The following SEMA6D variants were observed in gnomAD, a reference collection of about 807,000 sequenced individuals.
SEMA6D encodes semaphorin-6D.
A neutral mutation model predicts 106.6 loss-of-function variants in SEMA6D; 35 were observed. The observed-to-expected ratio is 0.33, with a 90% CI of 0.25 to 0.44. The LOEUF is 0.44. SEMA6D is among the 20% of genes least tolerant of loss of function. The pLI, the probability that SEMA6D is intolerant of heterozygous loss-of-function variation, is 1.00. For missense variants in SEMA6D, 1,185 were observed against 1,345.9 expected (o/e 0.88, Z 1.87); for synonymous variants, 499 against 487.7 (o/e 1.02, Z -0.31).
At chr15:47,254,335 A>G (rs367883962) in intron 1 of SEMA6D, among the ~76,000 whole-genome samples, 107 of 135,384 alleles carry the variant, frequency 7.9e-4, no homozygotes, top group Middle Eastern at 3.8e-3. Flanking sequence ...GTGTGTGTAT[A>G]TATATATATA....
rs1380596406 is a variant in SEMA6D at position 47,432,431 on chromosome 15, CCTT to C, written c.-159+19962_-159+19964del. Among the ~76,000 whole-genome samples the C allele has an allele frequency of 1.3e-4, 20 of 152,100 alleles. No homozygotes were observed. The East Asian group carries it at 3.5e-3, about 27-fold the overall frequency. On this transcript the variant is annotated intron_variant, in intron 2 of 19. Coordinates refer to the SEMA6D transcript ENST00000558014. ...CTAATTGTTCTCTGATTCTTTCTCT[CCTT>C]CTCTTCACCCTGTTTCTCTTTTTCT...
chr15:47,376,999 ATAAT>A (rs2145531593), intron 1 of SEMA6D, among the ~76,000 whole-genome samples: 1 of 152,326 alleles, frequency 6.6e-6, no homozygotes, highest in African/African-American at 2.4e-5. Context: ...ATATTCACCT[ATAAT>A]TACTTGCCAG....
Position 47,743,909 on chromosome 15 carries a change from C to A in SEMA6D, c.-54-15836C>A, listed in dbSNP as rs568722423. Among the ~76,000 whole-genome samples, 571 of 152,226 alleles carry A rather than the reference C, an allele frequency of 3.8e-3. 2 individuals carry two copies. The highest frequency in any genetic ancestry group is 6.5e-3 in the Non-Finnish European group (441 of 68,002). On this transcript the variant is annotated intron_variant, in intron 1 of 18. Coordinates refer to ENST00000536845, the MANE Select transcript of SEMA6D (RefSeq NM_001358351.3). ...GTTTTGATTTTTGTCAATGCAAATC[C>A]ATTTTGAGCCTCTCTGAGATTAGCC...
At chr15:47,193,061 C>T (rs1434430460) in intron 1 of SEMA6D, among the ~76,000 whole-genome samples, 1 of 152,160 alleles carries the variant, frequency 6.6e-6, no homozygotes, top group African/African-American at 2.4e-5. Flanking sequence ...AGTTTCCTCT[C>T]ACGCTTGCCC....
At chr15:47,269,589 ATAAAT>A (rs2034468509) in intron 1 of SEMA6D, among the ~76,000 whole-genome samples, 1 of 152,046 alleles carries the variant, frequency 6.6e-6, no homozygotes, top group Admixed American at 6.6e-5. Context: ...TTGATATTTT[ATAAAT>A]TAAATTGTTT....
At chr15:47,652,685 A>AT (rs1566962203) in intron 4 of SEMA6D, among the ~76,000 whole-genome samples, 1 of 152,102 alleles carries the variant, frequency 6.6e-6, no homozygotes, top group Non-Finnish European at 1.5e-5. Context: ...CAGATTTTAC[A>AT]TGTGGCTTGT....
chr15:47,296,871 C>T (rs948950390), intron 1 of SEMA6D, among the ~76,000 whole-genome samples: 8 of 152,126 alleles, frequency 5.3e-5, no homozygotes, highest in African/African-American at 1.9e-4. Context: ...TTGGTAGGCA[C>T]GTGGCTGGGT....
chr15:47,462,270 G>A (rs955300287), intron 2 of SEMA6D, among the ~76,000 whole-genome samples: 5 of 152,022 alleles, frequency 3.3e-5, no homozygotes, highest in African/African-American at 9.7e-5. Context: ...ATTATGACTC[G>A]TTTCACCAAC....
intron 3 of SEMA6D, among the ~76,000 whole-genome samples, chr15:47,485,698 T>C (rs576554659): frequency 6.8e-4 from 103 of 152,170 alleles, no homozygotes; most frequent in African/African-American, 2.2e-3. Flanking sequence ...AGCCTGTAAC[T>C]CTCACAAGAG....
chr15:47,244,108 C>A (rs762398990), intron 1 of SEMA6D, among the ~76,000 whole-genome samples: 10 of 151,916 alleles, frequency 6.6e-5, no homozygotes, highest in Non-Finnish European at 1.2e-4. Flanking sequence ...AGAGGAGAGT[C>A]AACAGTAACC....
At chr15:47,418,258 G>C (rs895244448) in intron 2 of SEMA6D, among the ~76,000 whole-genome samples, 1 of 152,106 alleles carries the variant, frequency 6.6e-6, no homozygotes, top group Non-Finnish European at 1.5e-5. Flanking sequence ...AGAATGGGTA[G>C]TATACTTGAA....
intron 1 of SEMA6D, among the ~76,000 whole-genome samples, chr15:47,741,842 T>A (rs74011231): frequency 0.015 from 2,274 of 152,306 alleles, 64 homozygotes; most frequent in African/African-American, 0.052. Context: ...AAGCCATAGA[T>A]CCTGCCTTCG....
chr15:47,404,904 T>C (rs967026389), intron 1 of SEMA6D, among the ~76,000 whole-genome samples: 1 of 152,214 alleles, frequency 6.6e-6, no homozygotes, highest in African/African-American at 2.4e-5. Context: ...TGCTAAAATA[T>C]GTAGCATAGA....
At chr15:47,399,949 T>C (rs1176062664) in intron 1 of SEMA6D, among the ~76,000 whole-genome samples, 1 of 152,194 alleles carries the variant, frequency 6.6e-6, no homozygotes, top group Non-Finnish European at 1.5e-5. Context: ...TGTTGTTGGA[T>C]CCTAAATCAG....
chr15:47,599,253 CAG>C (rs1350505981), intron 3 of SEMA6D, among the ~76,000 whole-genome samples: 1 of 152,118 alleles, frequency 6.6e-6, no homozygotes, highest in Non-Finnish European at 1.5e-5. Context: ...ATCAGAGTAA[CAG>C]GGGATTAATA....
chr15:47,204,570 T>C (rs1185330090), intron 1 of SEMA6D, among the ~76,000 whole-genome samples: 1 of 152,120 alleles, frequency 6.6e-6, no homozygotes, highest in Non-Finnish European at 1.5e-5. Context: ...TTTTGGACCT[T>C]TCTCTGGAGT....
chr15:47,254,833 G>A (rs1159175238), intron 1 of SEMA6D, among the ~76,000 whole-genome samples: 1 of 143,886 alleles, frequency 6.9e-6, no homozygotes, highest in Non-Finnish European at 1.5e-5. Flanking sequence ...TTTTGTTGAG[G>A]GTTTTTATGT....
chr15:47,653,386 G>T (rs375642003), intron 4 of SEMA6D, among the ~76,000 whole-genome samples: 1 of 152,312 alleles, frequency 6.6e-6, no homozygotes, highest in East Asian at 1.9e-4. Context: ...AGAGAAAATC[G>T]ACTGCTGGTG....
At chr15:47,549,954 C>G (rs1438164100) in intron 3 of SEMA6D, among the ~76,000 whole-genome samples, 1 of 152,158 alleles carries the variant, frequency 6.6e-6, no homozygotes, top group African/African-American at 2.4e-5. Context: ...GATACCCCAC[C>G]CAGTTTTCCC....
Sources: gnomAD v4.1 joint callset for allele counts (sites outside exome capture counted in the v4.1 genomes callset) on GRCh38, gnomAD v4.1.1 for gene constraint, MANE v1.5 for transcripts, NCBI Gene and HGNC (gene_info 2026-07-23, HGNC 2026-07-21) for gene names.